The following LECT2 variants were observed in gnomAD, a reference collection of about 807,000 sequenced individuals.
LECT2 encodes leukocyte cell derived chemotaxin 2, also known as leukocyte cell-derived chemotaxin-2.
Under a neutral mutation model 16.6 loss-of-function variants are expected in LECT2, and 11 were observed. That is an observed-to-expected ratio of 0.66 (90% confidence interval 0.42 to 1.09). LECT2 has a LOEUF of 1.09. Among genes scored for constraint, LECT2 ranks in the 50% least tolerant of loss-of-function variants. The pLI is 0.00. For synonymous variants in LECT2, 54 were observed against 64.8 expected (o/e 0.83, Z 0.80); for missense variants, 173 against 184.2 (o/e 0.94, Z 0.35).
chr5:135,950,219 C>A (rs1036408762), intron 3 of LECT2, among the ~76,000 whole-genome samples: 1 of 152,174 alleles, frequency 6.6e-6, no homozygotes, highest in African/African-American at 2.4e-5. Flanking sequence ...AAAAGTCCAT[C>A]TGAGGAAGAA....
chr5:135,951,367 T>A lies in LECT2; in HGVS notation c.145A>T (p.Ser49Cys), dbSNP rs372269770. ...HGCGQYSAQRSQRPHQGVDIL... is the reference protein window; with the variant it reads ...HGCGQYSAQRCQRPHQGVDIL... ...TCCACACCCTGGTGAGGCCTCTGACTTCTAGGATGTAAATAAGAACGAACA... is the reference window on the plus strand; with the variant it reads ...TCCACACCCTGGTGAGGCCTCTGACATCTAGGATGTAAATAAGAACGAACA... The change falls in exon 3 of 4, where the codon AGT (serine) becomes TGT (cysteine). Residue 49 changes from serine to cysteine, a missense_variant and splice_region_variant. By Grantham distance (112) the Ser-to-Cys change is moderately radical. Transcript: ENST00000274507. 2 of 1,612,802 alleles carry A rather than the reference T, an allele frequency of 1.2e-6. No homozygotes were observed. Among genetic ancestry groups the A allele is most frequent in the Non-Finnish European group, 1.7e-6 (2 of 1,179,304 alleles).
chr5:135,947,596 T>C, intron 3 of LECT2, 99 bp from the exon 4 acceptor site: 12 of 1,278,472 alleles, frequency 9.4e-6, no homozygotes, highest in Non-Finnish European at 1.2e-5. Context: ...AAAAGAATGT[T>C]GAATGAACTC....
chr5:135,951,511 C>T (rs562789937), intron 2 of LECT2, 143 bp from the exon 3 acceptor site: 7 of 720,530 alleles, frequency 9.7e-6, no homozygotes, highest in Admixed American at 2.9e-5. Context: ...CCCAGGATGC[C>T]TCACTCTGTT....
At chr5:135,950,799 AC>A (rs1763781685) in intron 3 of LECT2, 1 of 206,188 alleles carries the variant, frequency 4.8e-6, no homozygotes, top group Non-Finnish European at 9.6e-6. Flanking sequence ...GTTAAGCAAA[AC>A]CACATGGGCC....
chr5:135,950,484 GTTCTTT>G (rs1261778068), intron 3 of LECT2, among the ~76,000 whole-genome samples: 1 of 152,168 alleles, frequency 6.6e-6, no homozygotes, highest in Non-Finnish European at 1.5e-5. Context: ...TGTGGGTGAT[GTTCTTT>G]TTCTTGATTT....
At position 135,954,949 on chromosome 5, in the gene LECT2, C is replaced by T. The variant is rs887909452; in HGVS notation, c.-116G>A. On this transcript the variant is annotated 5_prime_UTR_variant, in exon 1 of 4. Coordinates refer to ENST00000274507, the MANE Select transcript of LECT2 (RefSeq NM_002302.3). ...GCTATTTAGCCTTAGAATTCTGCAT[C>T]TCTCATTTCTTTAGTGTGAGACACA... 83 of 761,558 alleles carry T rather than the reference C, an allele frequency of 1.1e-4. No individual in the cohort carries two copies. In the African/African-American group the frequency reaches 1.4e-3, roughly 13 times the overall value. The allele number at this position is 761,558 out of a possible 1,614,324, so 47.2% of individuals were successfully genotyped here.
At chr5:135,950,654 A>G (rs775101902) in intron 3 of LECT2, 1 of 152,886 alleles carries the variant, frequency 6.5e-6, no homozygotes, top group Non-Finnish European at 1.5e-5. Flanking sequence ...TTTACCTAAA[A>G]CTTAGAAGCT....
rs772784443 is a variant in LECT2 at position 135,947,546 on chromosome 5, A to T, written c.290-49T>A. 8 of 1,435,722 alleles carry T rather than the reference A, an allele frequency of 5.6e-6. No homozygotes were observed. In the African/African-American group the frequency reaches 7.1e-5, roughly 13 times the overall value. The allele number at this position is 1,435,722 out of a possible 1,614,324, so 88.9% of individuals were successfully genotyped here. A position where few individuals can be genotyped will look rare whatever the true frequency, so the allele number is the denominator to read the frequency against. On this transcript the variant is annotated intron_variant, in intron 3 of 3. Transcript: ENST00000274507. ...TTTATCTGGGCTTCAGTAATCTTGA[A>T]TCTGAAATTAAAAAAATAACAAATG...
chr5:135,952,155 A>C (rs1178482677), intron 2 of LECT2, among the ~76,000 whole-genome samples: 1 of 152,232 alleles, frequency 6.6e-6, no homozygotes, highest in Non-Finnish European at 1.5e-5. Context: ...AATTCAAGGG[A>C]CGTTTCCCAT....
chr5:135,950,619 T>C (rs1331317030), intron 3 of LECT2, among the ~76,000 whole-genome samples: 1 of 152,210 alleles, frequency 6.6e-6, no homozygotes, highest in African/African-American at 2.4e-5. Flanking sequence ...ACAAAACCAA[T>C]ACCTGGAGTA....
At chr5:135,951,589 ATGGTACT>A (rs1763798105) in intron 2 of LECT2, 2 of 479,876 alleles carry the variant, frequency 4.2e-6, no homozygotes, top group Non-Finnish European at 7.4e-6. Context: ...AGCATTTAAA[ATGGTACT>A]TGGTACATAA....
chr5:135,949,455 TAC>T lies in LECT2; in HGVS notation c.289+1766_289+1767del, dbSNP rs201364625. Among the ~76,000 whole-genome samples, 3 of 152,322 alleles carry T rather than the reference TAC, an allele frequency of 2.0e-5. No homozygotes were observed. The East Asian group carries it at 5.8e-4, about 29-fold the overall frequency. On this transcript the variant is annotated intron_variant, in intron 3 of 3. Transcript: ENST00000274507. ...ATGGACCCTAGTGAAAAGCTATATT[TAC>T]CACCTGACTCTAAGCCCCTAGTCTG...
chr5:135,954,537 T>C (rs1029116879), intron 1 of LECT2, among the ~76,000 whole-genome samples: 1 of 152,214 alleles, frequency 6.6e-6, no homozygotes, highest in Non-Finnish European at 1.5e-5. Flanking sequence ...AGACCCAGAC[T>C]CAGACTGAAA....
chr5:135,952,597 TTGAGA>T (rs564756110), intron 2 of LECT2, among the ~76,000 whole-genome samples: 97 of 152,262 alleles, frequency 6.4e-4, no homozygotes, highest in African/African-American at 2.2e-3. Flanking sequence ...AAAAAAACAG[TTGAGA>T]TAAGTGAATG....
intron 3 of LECT2, among the ~76,000 whole-genome samples, chr5:135,950,256 T>C (rs972560698): frequency 5.3e-5 from 8 of 152,228 alleles, no homozygotes; most frequent in African/African-American, 1.9e-4. Context: ...AGTATACGCA[T>C]ATAATGGAAT....
intron 3 of LECT2, chr5:135,950,804 A>G (rs200219392): frequency 7.5e-5 from 16 of 214,344 alleles, no homozygotes; most frequent in African/African-American, 3.0e-4. Context: ...GCAAAACCAC[A>G]TGGGCCACAG....
intron 2 of LECT2, among the ~76,000 whole-genome samples, chr5:135,952,359 G>A (rs1763807231): frequency 6.6e-6 from 1 of 152,146 alleles, no homozygotes; most frequent in Non-Finnish European, 1.5e-5. Context: ...TCATTTTCTG[G>A]AAGAGATAGT....
intron 3 of LECT2, chr5:135,950,870 A>C: frequency 5.9e-6 from 2 of 339,724 alleles, no homozygotes; most frequent in Non-Finnish European, 1.1e-5. Flanking sequence ...ATGAAGCAGA[A>C]GTTTTCAGAG....
intron 2 of LECT2, among the ~76,000 whole-genome samples, chr5:135,952,082 A>G (rs1003060117): frequency 2.0e-5 from 3 of 152,252 alleles, no homozygotes; most frequent in Admixed American, 2.0e-4. Flanking sequence ...CTCAAGAGCC[A>G]AGAATTTACT....
Sources: gnomAD v4.1 joint callset for allele counts (sites outside exome capture counted in the v4.1 genomes callset) on GRCh38, gnomAD v4.1.1 for gene constraint, MANE v1.5 for transcripts, NCBI Gene and HGNC (gene_info 2026-07-23, HGNC 2026-07-21) for gene names.